The following ARHGAP11B variants were observed in gnomAD, a reference collection of about 807,000 sequenced individuals.
The protein encoded by ARHGAP11B is inactive Rho GTPase-activating protein 11B.
In ARHGAP11B, 14 loss-of-function variants were observed where a neutral mutation model predicts 27.6. The ratio of observed to expected loss-of-function variants is 0.51; its 90% CI spans 0.34 to 0.79. ARHGAP11B has a LOEUF of 0.79. ARHGAP11B is among the 30% of genes least tolerant of loss of function. ARHGAP11B has a pLI of 0.02. For synonymous variants in ARHGAP11B, 82 were observed against 114.1 expected, an observed-to-expected ratio of 0.72 and a Z score of 1.80; for missense variants, 245 against 320.1, an observed-to-expected ratio of 0.77 and a Z score of 1.79.
At chr15:30,637,816 CTTTT>C (rs398026724) in intron 6 of ARHGAP11B, among the ~76,000 whole-genome samples, 9 of 103,082 alleles carry the variant, frequency 8.7e-5, no homozygotes, top group South Asian at 3.0e-4. Flanking sequence ...TTAAGGCTCA[CTTTT>C]TTTTTTTTTT....
At chr15:30,641,558 T>G (rs1330382842) in intron 7 of ARHGAP11B, 1 of 151,974 alleles carries the variant, frequency 6.6e-6, no homozygotes, top group Non-Finnish European at 1.5e-5. Flanking sequence ...CAGGCTGGTC[T>G]TGAACTCCTG....
chr15:30,633,195 G>A, intron 2 of ARHGAP11B, among the ~76,000 whole-genome samples: 1 of 150,762 alleles, frequency 6.6e-6, no homozygotes, highest in Admixed American at 6.6e-5. Flanking sequence ...TGAAGAAGTA[G>A]AGGCAGAAAA....
At position 30,627,082 on chromosome 15, in the gene ARHGAP11B, G is replaced by C. The variant is rs2060214098; in HGVS notation, c.129+133G>C. On this transcript the variant is annotated intron_variant, in intron 1 of 10. Transcript: ENST00000428041. ...GTTAGGTGTGTAATTCAGTTCAGAT[G>C]ATCGATTGCTGATATTTAAAAAGTG... 10 of 1,317,534 alleles carry C rather than the reference G, an allele frequency of 7.6e-6. No individual in the cohort carries two copies. In the South Asian group the frequency reaches 2.1e-4, roughly 28 times the overall value. The allele number at this position is 1,317,534 out of a possible 1,614,324, so 81.6% of individuals were successfully genotyped here. A position where few individuals can be genotyped will look rare whatever the true frequency, so the allele number is the denominator to read the frequency against.
At chr15:30,627,746 C>G (rs1272660250) in intron 1 of ARHGAP11B, among the ~76,000 whole-genome samples, 1 of 151,674 alleles carries the variant, frequency 6.6e-6, no homozygotes, top group Admixed American at 6.6e-5. Context: ...ATTTATGTGC[C>G]TAATTTATAT....
At chr15:30,648,997 C>T (rs1300741757) in exon 11 of ARHGAP11B, 6 of 151,964 alleles carry the variant, frequency 3.9e-5, no homozygotes, top group African/African-American at 7.2e-5. Flanking sequence ...TATTTAAACA[C>T]TTTTATTTAA....
intron 1 of ARHGAP11B, among the ~76,000 whole-genome samples, chr15:30,627,462 G>A (rs2060217182): frequency 6.6e-6 from 1 of 152,034 alleles, no homozygotes; most frequent in Non-Finnish European, 1.5e-5. Flanking sequence ...ATCTGTAGAT[G>A]AAGTATGACA....
chr15:30,630,546 C>A (rs1244441442), intron 1 of ARHGAP11B, among the ~76,000 whole-genome samples, 157 bp from the exon 2 acceptor site: 1 of 151,966 alleles, frequency 6.6e-6, no homozygotes, highest in Non-Finnish European at 1.5e-5. Context: ...TATTTGTTAT[C>A]AAATGCACTT....
chr15:30,627,324 C>T (rs2060216115), intron 1 of ARHGAP11B, among the ~76,000 whole-genome samples: 1 of 151,936 alleles, frequency 6.6e-6, no homozygotes, highest in African/African-American at 2.4e-5. Flanking sequence ...AAAATGTCTC[C>T]GGATATTGCC....
At chr15:30,639,993 T>C (rs542324531) in intron 7 of ARHGAP11B, among the ~76,000 whole-genome samples, 251 of 151,644 alleles carry the variant, frequency 1.7e-3, no homozygotes, top group African/African-American at 5.4e-3. Context: ...TGTGTGTGTG[T>C]GTGTGTGTGT....
chr15:30,648,406 C>G (rs919938536), exon 11 of ARHGAP11B, among the ~76,000 whole-genome samples: 2 of 151,942 alleles, frequency 1.3e-5, no homozygotes, highest in African/African-American at 4.8e-5. Flanking sequence ...TTCTCATTCT[C>G]TGTTTCCTGG....
rs1450849045 is a variant in ARHGAP11B, at chr15:30,636,360, G to A, written c.*3+727G>A. ...AATATTATCAAGGAAGAATCAGAAA[G>A]ACCAAAAGACCATCATAAGATGGTA... On this transcript the variant is annotated intron_variant, in intron 6 of 10. Transcript: ENST00000428041. Among the ~76,000 whole-genome samples, 3 of 152,036 alleles carry A rather than the reference G, an allele frequency of 2.0e-5. No homozygotes were observed. The East Asian group carries it at 5.8e-4, about 30-fold the overall frequency.
intron 1 of ARHGAP11B, among the ~76,000 whole-genome samples, chr15:30,628,980 G>A (rs1369575772): frequency 1.3e-5 from 2 of 152,060 alleles, no homozygotes; most frequent in African/African-American, 2.4e-5. Context: ...TGGCTGCACA[G>A]TATCAAGAAA....
Position 30,626,765 on chromosome 15 carries a change from G to A in ARHGAP11B, c.-56G>A. 6.4e-7 allele frequency: 1 copy of A among 1,565,400 alleles called. No homozygotes were observed. Among genetic ancestry groups the A allele is most frequent in the East Asian group, 2.3e-5 (1 of 44,162 alleles). On this transcript the variant is annotated 5_prime_UTR_variant, in exon 1 of 11. The change creates a new upstream start codon in the 5' untranslated region. Transcript: ENST00000428041. The stretch of plus-strand genomic sequence containing the variant: ...GAGCGTTTGGAAATTGGAAGACTTG[G>A]TGGCGAACGAGGGTCAGGACCTGCA...
exon 6 of ARHGAP11B, chr15:30,635,541 G>T: frequency 1.2e-6 from 2 of 1,613,332 alleles, no homozygotes; most frequent in East Asian, 2.2e-5. Context: ...GGTATTGATG[G>T]TCTCTGTGCT....
intron 7 of ARHGAP11B, among the ~76,000 whole-genome samples, chr15:30,644,272 T>C (rs1371893022): frequency 2.0e-5 from 3 of 152,094 alleles, no homozygotes; most frequent in Non-Finnish European, 2.9e-5. Context: ...TTGTGTCTTT[T>C]ATATTTTTGT....
chr15:30,639,898 T>C (rs1484147640), intron 7 of ARHGAP11B, among the ~76,000 whole-genome samples: 3 of 151,922 alleles, frequency 2.0e-5, no homozygotes, highest in Non-Finnish European at 4.4e-5. Context: ...ACTAGAACTT[T>C]ATTCTGTTTT....
intron 7 of ARHGAP11B, among the ~76,000 whole-genome samples, chr15:30,639,971 A>AGTGTGTGTGTGTGTGTGTGTGT (rs71103435): frequency 2.1e-5 from 3 of 143,192 alleles, no homozygotes; most frequent in Non-Finnish European, 3.1e-5. Flanking sequence ...TTCAATATAG[A>AGTGTGTGTGTGTGTGTGTGTGT]GTGTGTGTGT....
chr15:30,633,964 A>T (rs2060262251), intron 3 of ARHGAP11B, among the ~76,000 whole-genome samples: 1 of 151,604 alleles, frequency 6.6e-6, no homozygotes, highest in African/African-American at 2.4e-5. Flanking sequence ...GTTTGAAGCC[A>T]GCCCAGGCCA....
intron 7 of ARHGAP11B, among the ~76,000 whole-genome samples, chr15:30,642,506 T>C (rs1043819893): frequency 1.3e-5 from 2 of 152,014 alleles, no homozygotes; most frequent in African/African-American, 2.4e-5. Context: ...TGGGTAGCAG[T>C]TGGCCAGCAG....
Sources: gnomAD v4.1 joint callset for allele counts (sites outside exome capture counted in the v4.1 genomes callset) on GRCh38, gnomAD v4.1.1 for gene constraint, MANE v1.5 for transcripts, NCBI Gene and HGNC (gene_info 2026-07-23, HGNC 2026-07-21) for gene names.